CREBRF: variants seen among roughly 807,000 people sequenced by gnomAD.
CREBRF encodes UPF0474 protein C5orf41.
A neutral mutation model predicts 66.1 loss-of-function variants in CREBRF; 5 were observed. The observed-to-expected ratio is 0.08, with a 90% CI of 0.04 to 0.16. The LOEUF (loss-of-function observed/expected upper bound fraction) is 0.16, where lower values mean the gene tolerates loss of function less well. Among genes scored for constraint, CREBRF ranks in the 10% least tolerant of loss-of-function variants. The pLI is 1.00. For missense variants in CREBRF, 531 were observed against 744.9 expected, an observed-to-expected ratio of 0.71 and a Z score of 3.34; for synonymous variants, 229 against 264.4, an observed-to-expected ratio of 0.87 and a Z score of 1.30.
intron 7 of CREBRF, 37 bp downstream of exon 7, chr5:173,112,416 A>G (rs765850500): frequency 4.8e-5 from 65 of 1,346,446 alleles, no homozygotes; most frequent in East Asian, 7.2e-5. Flanking sequence ...TTAACCACCT[A>G]TTGATTTGCT....
intron 1 of CREBRF, among the ~76,000 whole-genome samples, chr5:173,063,084 T>C (rs1301543582): frequency 6.6e-6 from 1 of 152,120 alleles, no homozygotes; most frequent in African/African-American, 2.4e-5. Flanking sequence ...GACTCACCTC[T>C]GTGGGGTAGG....
intron 8 of CREBRF, among the ~76,000 whole-genome samples, chr5:173,130,694 ATTTATT>A (rs554616115): frequency 4.7e-4 from 71 of 151,720 alleles, no homozygotes; most frequent in African/African-American, 1.3e-3. Flanking sequence ...CAGCTAATTT[ATTTATT>A]TTTATTTTTA....
At chr5:173,076,899 C>T (rs537424365) in intron 1 of CREBRF, among the ~76,000 whole-genome samples, 2 of 150,554 alleles carry the variant, frequency 1.3e-5, no homozygotes, top group African/African-American at 2.4e-5. Flanking sequence ...TAGGAAGGAT[C>T]AAAGTAGACC....
At chr5:173,127,169 T>C (rs886693027) in intron 8 of CREBRF, among the ~76,000 whole-genome samples, 10 of 149,156 alleles carry the variant, frequency 6.7e-5, no homozygotes, top group Middle Eastern at 3.5e-3. Flanking sequence ...TTTCTTTTTT[T>C]TTTTTTTTTT....
rs149067428 is a variant in CREBRF, at chr5:173,066,566, G to A, written c.-192+10087G>A. ...TGAGTTTTGACAAACACATGCTGTC[G>A]TCTAACCACTGTTATATCTCTAACA... On this transcript the variant is annotated intron_variant, in intron 1 of 8. Coordinates refer to ENST00000296953, the MANE Select transcript of CREBRF (RefSeq NM_153607.3). 2.5e-3 allele frequency among the ~76,000 whole-genome samples: 380 copies of A among 152,160 alleles called. 5 individuals carry two copies. The highest frequency in any genetic ancestry group is 3.4e-3 in the Middle Eastern group (1 of 294).
intron 1 of CREBRF, among the ~76,000 whole-genome samples, chr5:173,077,496 G>A (rs997079104): frequency 2.6e-5 from 4 of 151,922 alleles, no homozygotes; most frequent in South Asian, 2.1e-4. Flanking sequence ...AGGTTCAAGC[G>A]ATTCTCCTGC....
At chr5:173,078,864 G>T (rs1757848905) in intron 1 of CREBRF, among the ~76,000 whole-genome samples, 1 of 152,098 alleles carries the variant, frequency 6.6e-6, no homozygotes, top group Admixed American at 6.6e-5. Context: ...AGATTTTAAA[G>T]GGTATCAAAC....
At chr5:173,059,724 A>G (rs78626489) in intron 1 of CREBRF, among the ~76,000 whole-genome samples, 2,992 of 152,330 alleles carry the variant, frequency 0.02, 40 homozygotes, top group Middle Eastern at 0.044. Flanking sequence ...GCATCGGTTG[A>G]TAAAGTCAAT....
At chr5:173,115,486 A>G (rs960110764) in intron 7 of CREBRF, among the ~76,000 whole-genome samples, 2 of 152,228 alleles carry the variant, frequency 1.3e-5, no homozygotes, top group African/African-American at 4.8e-5. Flanking sequence ...CCCTAAGTCT[A>G]GCCTTTATGC....
chr5:173,086,996 G>C (rs1160803949), intron 3 of CREBRF, among the ~76,000 whole-genome samples: 1 of 148,508 alleles, frequency 6.7e-6, no homozygotes, highest in Non-Finnish European at 1.5e-5. Flanking sequence ...GCCCAGGCTG[G>C]AGTGCAGTGG....
chr5:173,126,658 C>G (rs454036), intron 8 of CREBRF, among the ~76,000 whole-genome samples: 100,640 of 152,034 alleles, frequency 0.66, 33,831 homozygotes, highest in African/African-American at 0.72. Flanking sequence ...GTAACCTATT[C>G]GCTATATGGA....
At chr5:173,064,539 C>T (rs1009044884) in intron 1 of CREBRF, among the ~76,000 whole-genome samples, 2 of 149,898 alleles carry the variant, frequency 1.3e-5, no homozygotes, top group South Asian at 2.1e-4. Context: ...ACTACAGGTG[C>T]GCACCACCAC....
chr5:173,068,142 A>G (rs998105937), intron 1 of CREBRF: 6 of 454,004 alleles, frequency 1.3e-5, no homozygotes, highest in African/African-American at 1.2e-4. Context: ...GTTAAAAACT[A>G]ACGAGTTACT....
intron 7 of CREBRF, among the ~76,000 whole-genome samples, chr5:173,120,631 T>C (rs1759116414): frequency 6.7e-6 from 1 of 149,478 alleles, no homozygotes; most frequent in Non-Finnish European, 1.5e-5. Flanking sequence ...TCCACCCATC[T>C]CGGCCTCCCA....
At chr5:173,063,304 A>G (rs1353724720) in intron 1 of CREBRF, among the ~76,000 whole-genome samples, 1 of 152,176 alleles carries the variant, frequency 6.6e-6, no homozygotes, top group Non-Finnish European at 1.5e-5. Context: ...AACCACTTTT[A>G]TATCTTTTGG....
intron 4 of CREBRF, among the ~76,000 whole-genome samples, chr5:173,098,219 GCT>G (rs767166408): frequency 1.3e-4 from 18 of 142,130 alleles, no homozygotes; most frequent in Non-Finnish European, 2.4e-4. Context: ...ATGGAGTCTC[GCT>G]CTGTCACCCA....
intron 2 of CREBRF, among the ~76,000 whole-genome samples, chr5:173,085,115 G>T (rs1184802560): frequency 2.6e-5 from 4 of 151,474 alleles, no homozygotes; most frequent in Admixed American, 2.6e-4. Flanking sequence ...ACTAATTTTC[G>T]TATTTTTAGT....
At chr5:173,096,332 C>T (rs1325623602) in intron 4 of CREBRF, among the ~76,000 whole-genome samples, 1 of 152,118 alleles carries the variant, frequency 6.6e-6, no homozygotes, top group Non-Finnish European at 1.5e-5. Flanking sequence ...GAGACAATTT[C>T]TTTTCCTATT....
At chr5:173,099,115 A>G (rs1457611842) in intron 4 of CREBRF, among the ~76,000 whole-genome samples, 1 of 152,058 alleles carries the variant, frequency 6.6e-6, no homozygotes, top group African/African-American at 2.4e-5. Context: ...TGCCATTTCC[A>G]TGGAATATCT....
Sources: allele counts gnomAD v4.1 joint callset (sites outside exome capture counted in the v4.1 genomes callset), GRCh38; gene constraint gnomAD v4.1.1; transcripts MANE v1.5; gene names NCBI Gene and HGNC (gene_info 2026-07-23, HGNC 2026-07-21).